Variants in UTP20 observed in about 807,000 individuals in gnomAD.
UTP20 encodes UTP20 small subunit processome component.
A neutral mutation model predicts 329.5 loss-of-function variants in UTP20; 164 were observed. The observed-to-expected ratio is 0.50, with a 90% confidence interval of 0.44 to 0.57. The LOEUF (loss-of-function observed/expected upper bound fraction) is 0.57. Among genes scored for constraint, UTP20 ranks in the 20% least tolerant of loss-of-function variants. The pLI is 0.00. For missense variants in UTP20, 3,055 were observed against 3,284.2 expected (o/e 0.93, Z 1.71); for synonymous variants, 1,151 against 1,159.3 (o/e 0.99, Z 0.14).
At chr12:101,362,108 G>T in intron 44 of UTP20, 48 bp downstream of exon 44, 1 of 1,362,446 alleles carries the variant, frequency 7.3e-7, no homozygotes, top group South Asian at 1.2e-5. Flanking sequence ...GTGGGCCAAC[G>T]ACACAAAAAA....
chr12:101,357,138 G>T, intron 43 of UTP20, 56 bp downstream of exon 43: 1 of 1,501,420 alleles, frequency 6.7e-7, no homozygotes. Flanking sequence ...AATATTTGCA[G>T]CTTGAACACT....
rs878934574 is a variant in UTP20, at chr12:101,308,284, T to C, written c.2095T>C (p.Leu699=). ...TGATTATAGAGAGAAGCTTCTTCAT[T>C]TGAGAAAACTAAGACATGATGTGGT... is the stretch of plus-strand genomic sequence containing the variant. The part of the protein sequence containing the change: ...VNDYREKLLH[L]RKLRHDVVQT... The change falls in exon 18 of 62, where the codon TTG becomes CTG. Residue 699 remains leucine, a synonymous_variant. Transcript: ENST00000261637. 5.6e-6 allele frequency: 9 copies of C among 1,612,814 alleles called. No individual in the cohort carries two copies. The Admixed American group carries it at 1.3e-4, about 24-fold the overall frequency.
Position 101,385,622 on chromosome 12 carries a change from T to G in UTP20, c.8096T>G (p.Leu2699Ter). 6.2e-7 allele frequency: 1 copy of G among 1,613,942 alleles called. No individual in the cohort carries two copies. Among genetic ancestry groups the G allele is most frequent in the Non-Finnish European group, 8.5e-7 (1 of 1,179,988 alleles). The change falls in exon 61 of 62, where the codon TTA becomes TGA. Residue 2699 changes from leucine to a stop codon, truncating the protein, a stop_gained. Transcript: ENST00000261637. LOFTEE classifies it high-confidence loss of function. ...LKNLSQEIIE[L>*]LKKLVGLESF... ...AATCTATCCCAGGAAATCATAGAAT[T>G]ACTCAAAAAGCTGGTTGGGCTTGAG...
At position 101,338,058 on chromosome 12, in the gene UTP20, C is replaced by T; in HGVS notation, c.3649C>T (p.Pro1217Ser). The T allele has an allele frequency of 1.9e-6, 3 of 1,613,888 alleles. No individual in the cohort carries two copies. The highest frequency in any genetic ancestry group is 3.3e-4 in the Middle Eastern group (2 of 6,060). ...CAATGTTTTTTCTTCCAGATATTTCCCTTTGCTGGCTAAACAGAAGCCTGG... is the reference window on the plus strand; with the variant it reads ...CAATGTTTTTTCTTCCAGATATTTCTCTTTGCTGGCTAAACAGAAGCCTGG... ...SIWSRNARYF[P>S]LLAKQKPGHP... The change falls in exon 30 of 62, where the codon CCT becomes TCT. Residue 1217 changes from proline to serine, a missense_variant. This residue lies in a region of UTP20 where 2,445 missense variants were observed against 2,575.5 expected (regional missense o/e 0.95). Coordinates refer to ENST00000261637, the MANE Select transcript of UTP20 (RefSeq NM_014503.3).
At chr12:101,356,369 G>A (rs540084729) in intron 41 of UTP20, among the ~76,000 whole-genome samples, 185 bp from the exon 42 acceptor site, 111 of 152,242 alleles carry the variant, frequency 7.3e-4, no homozygotes, top group African/African-American at 2.6e-3. Flanking sequence ...CAGGTGATCC[G>A]CCCACCTTGG....
chr12:101,359,503 A>G (rs57450208), intron 43 of UTP20, among the ~76,000 whole-genome samples: 70 of 102,008 alleles, frequency 6.9e-4, no homozygotes, highest in African/African-American at 2.7e-3. Context: ...GTGTGTGTGT[A>G]TATATATATA....
intron 21 of UTP20, among the ~76,000 whole-genome samples, chr12:101,316,317 GTTTTA>G (rs1255364121): frequency 6.6e-6 from 1 of 152,148 alleles, no homozygotes; most frequent in Non-Finnish European, 1.5e-5. Flanking sequence ...TGTGTGAATT[GTTTTA>G]TTTAATAAAT....
At chr12:101,314,763 G>A (rs1431358892) in intron 21 of UTP20, among the ~76,000 whole-genome samples, 3 of 152,074 alleles carry the variant, frequency 2.0e-5, no homozygotes, top group African/African-American at 7.2e-5. Context: ...TAGGTGGAGG[G>A]AAATGCCGGG....
rs1204284216 is a variant in UTP20 at position 101,288,832 on chromosome 12, A to C, written c.516-128A>C. ...GTCTCCATAAATGAATGAGATTTTAAATTTGTTTGATACCTGCTGTGTATT... is the reference window on the plus strand; with the variant it reads ...GTCTCCATAAATGAATGAGATTTTACATTTGTTTGATACCTGCTGTGTATT... On this transcript the variant is annotated intron_variant, in intron 5 of 61. Transcript: ENST00000261637. 3.8e-6 allele frequency: 3 copies of C among 792,422 alleles called. No homozygotes were observed. The East Asian group carries it at 8.4e-5, about 22-fold the overall frequency. The allele number at this position is 792,422 out of a possible 1,614,324, so 49.1% of individuals were successfully genotyped here. A position where few individuals can be genotyped will look rare whatever the true frequency, so the allele number is the denominator to read the frequency against.
In UTP20 at chr12:101,309,763, G is replaced by T. The variant is rs756247390; in HGVS notation, c.2155G>T (p.Val719Leu). The T allele has an allele frequency of 2.5e-6, 4 of 1,613,350 alleles. No individual in the cohort carries two copies. Among genetic ancestry groups the T allele is most frequent in the East Asian group, 4.5e-5 (2 of 44,862 alleles). ...TAVPDGPLQEVPLRYLLGMLY... is the reference protein window; with the variant it reads ...TAVPDGPLQELPLRYLLGMLY... ...CTAAACTAGTCTTTTGTAATTGCAGGTGCCGCTTCGTTATTTGTTAGGCAT... is the reference window on the plus strand; with the variant it reads ...CTAAACTAGTCTTTTGTAATTGCAGTTGCCGCTTCGTTATTTGTTAGGCAT... Residue 719 changes from valine to leucine, a missense_variant and splice_region_variant, in exon 19 of 62, where the codon GTG (valine) becomes TTG (leucine). This residue lies in a region of UTP20 where 2,445 missense variants were observed against 2,575.5 expected (regional missense o/e 0.95). Coordinates refer to ENST00000261637, the MANE Select transcript of UTP20 (RefSeq NM_014503.3).
intron 14 of UTP20, 104 bp downstream of exon 14, chr12:101,300,165 G>A: frequency 9.0e-7 from 1 of 1,117,142 alleles, no homozygotes; most frequent in Non-Finnish European, 1.3e-6. Flanking sequence ...TTGTGTTCTG[G>A]CATAACCCCC....
chr12:101,296,806 T>C (rs1187216060), intron 12 of UTP20, among the ~76,000 whole-genome samples: 1 of 152,056 alleles, frequency 6.6e-6, no homozygotes, highest in African/African-American at 2.4e-5. Flanking sequence ...TTGTTTCAGT[T>C]GTTAAGTGTC....
At chr12:101,339,426 C>G (rs1412302821) in intron 31 of UTP20, among the ~76,000 whole-genome samples, 1 of 152,194 alleles carries the variant, frequency 6.6e-6, no homozygotes, top group African/African-American at 2.4e-5. Flanking sequence ...ATGCCCTTTA[C>G]TTTTAAGTTA....
chr12:101,297,264 G>A (rs1412611104), intron 12 of UTP20, among the ~76,000 whole-genome samples: 10 of 152,080 alleles, frequency 6.6e-5, no homozygotes, highest in Non-Finnish European at 1.3e-4. Context: ...CACCCAGGCC[G>A]GAGTGCAGTG....
chr12:101,294,499 A>G (rs1872281384), intron 11 of UTP20, among the ~76,000 whole-genome samples: 1 of 148,500 alleles, frequency 6.7e-6, no homozygotes, highest in Non-Finnish European at 1.5e-5. Context: ...AACAAGGAGT[A>G]TTTTATGATT....
At chr12:101,364,449 A>AT (rs1316797129) in intron 45 of UTP20, among the ~76,000 whole-genome samples, 1 of 152,170 alleles carries the variant, frequency 6.6e-6, no homozygotes, top group East Asian at 1.9e-4. Context: ...CATTTTACAA[A>AT]TAAGAAAATT....
At chr12:101,348,782 G>A (rs1267333556) in intron 38 of UTP20, among the ~76,000 whole-genome samples, 3 of 81,948 alleles carry the variant, frequency 3.7e-5, no homozygotes, top group Non-Finnish European at 6.9e-5. Context: ...CTCCTTTGTT[G>A]CTCAGGCTGG....
Position 101,353,054 on chromosome 12 carries a change from G to T in UTP20, c.5032G>T (p.Val1678Leu). 1 of 1,561,010 alleles carries T rather than the reference G, an allele frequency of 6.4e-7. No homozygotes were observed. Among genetic ancestry groups the T allele is most frequent in the South Asian group, 1.2e-5 (1 of 80,674 alleles). ...TACTTTTTTTTTTAACAGTTTGCTA[G>T]TAATAGTGTTAGAAGCATTCCACTT... is the stretch of plus-strand genomic sequence containing the variant. ...INQKLGVSLL[V>L]IVLEAFHFDH... is the part of the protein sequence containing the mutation. The change falls in exon 40 of 62, where the codon GTA (valine) becomes TTA (leucine). Residue 1678 changes from valine to leucine, a missense_variant. Coordinates refer to ENST00000261637, the MANE Select transcript of UTP20 (RefSeq NM_014503.3).
intron 1 of UTP20, 89 bp from the exon 2 acceptor site, chr12:101,281,027 A>C: frequency 9.3e-7 from 1 of 1,072,314 alleles, no homozygotes; most frequent in Non-Finnish European, 1.3e-6. Context: ...CTTTGTGATT[A>C]GAGATGCCTA....
Sources: gnomAD v4.1 joint callset for allele counts (sites outside exome capture counted in the v4.1 genomes callset) on GRCh38, gnomAD v4.1.1 for gene constraint, gnomAD v4.1.1 regional missense constraint, MANE v1.5 for transcripts, NCBI Gene and HGNC (gene_info 2026-07-23, HGNC 2026-07-21) for gene names.